CFAP54: variants seen among roughly 807,000 people sequenced by gnomAD.
CFAP54 encodes the protein cilia and flagella associated protein 54.
CFAP54 carries 290 observed loss-of-function variants against 370.4 expected under a neutral mutation model. The ratio of observed to expected loss-of-function variants is 0.78; its 90% CI spans 0.71 to 0.86. The LOEUF (loss-of-function observed/expected upper bound fraction) is 0.86, where lower values mean the gene tolerates loss of function less well. Ranked by LOEUF, CFAP54 falls within the 40% of genes least tolerant of loss-of-function variation. CFAP54 has a pLI of 0.00. For missense variants in CFAP54, 3,399 were observed against 3,528.7 expected (o/e 0.96, Z 0.93); for synonymous variants, 1,206 against 1,236.5 (o/e 0.98, Z 0.52).
chr12:96,569,043 A>T (rs1955887785), intron 19 of CFAP54, among the ~76,000 whole-genome samples: 1 of 150,096 alleles, frequency 6.7e-6, no homozygotes, highest in South Asian at 2.1e-4. Context: ...TCCATACTGG[A>T]TGTCCTTCAT....
chr12:96,618,913 A>G (rs1033539636), intron 26 of CFAP54, among the ~76,000 whole-genome samples: 1 of 152,044 alleles, frequency 6.6e-6, no homozygotes, highest in African/African-American at 2.4e-5. Flanking sequence ...TGTTTCTGAG[A>G]CAGAGATCAG....
At chr12:96,693,409 A>G (rs1005563076) in intron 44 of CFAP54, among the ~76,000 whole-genome samples, 2 of 152,170 alleles carry the variant, frequency 1.3e-5, no homozygotes, top group Non-Finnish European at 2.9e-5. Context: ...ATGTTGAGTT[A>G]ATCATTTTCA....
At chr12:96,806,271 A>G (rs1958881767) in intron 63 of CFAP54, among the ~76,000 whole-genome samples, 1 of 142,664 alleles carries the variant, frequency 7.0e-6, no homozygotes. Flanking sequence ...TATTGAGTGC[A>G]GTTGGACAGT....
chr12:96,702,398 A>T (rs1957501963), intron 46 of CFAP54, among the ~76,000 whole-genome samples: 1 of 152,116 alleles, frequency 6.6e-6, no homozygotes, highest in Non-Finnish European at 1.5e-5. Context: ...AACTAGATGA[A>T]TTCAGCTGGG....
At chr12:96,693,015 C>T (rs1042498451) in intron 44 of CFAP54, among the ~76,000 whole-genome samples, 3 of 152,138 alleles carry the variant, frequency 2.0e-5, no homozygotes, top group African/African-American at 7.2e-5. Flanking sequence ...GTGGTTGGGC[C>T]ATTTGAAATA....
At position 96,700,010 on chromosome 12, in the gene CFAP54, T is replaced by G; in HGVS notation, c.6391T>G (p.Phe2131Val). The change falls in exon 46 of 68, where the codon TTT (phenylalanine) becomes GTT (valine). Residue 2131 changes from phenylalanine to valine, a missense_variant. Coordinates refer to ENST00000524981, the MANE Select transcript of CFAP54 (RefSeq NM_001306084.2). Reference protein sequence around the residue: ...LIDLRFFSEAFYEISQIFYGK... With the variant: ...LIDLRFFSEAVYEISQIFYGK... ...AGATTTGAGATTCTTTTCTGAAGCC[T>G]TTTATGAGATATCCCAAATTTTCTA... 6.3e-7 allele frequency: 1 copy of G among 1,599,204 alleles called. No individual in the cohort carries two copies. Among genetic ancestry groups the G allele is most frequent in the Non-Finnish European group, 8.6e-7 (1 of 1,168,172 alleles).
intron 32 of CFAP54, among the ~76,000 whole-genome samples, chr12:96,639,145 T>C (rs1056243513): frequency 6.6e-6 from 1 of 152,122 alleles, no homozygotes; most frequent in African/African-American, 2.4e-5. Context: ...CAGGAGCTGG[T>C]TTTTTGAAAA....
At chr12:96,682,507 C>T (rs1488597531) in intron 40 of CFAP54, among the ~76,000 whole-genome samples, 1 of 152,072 alleles carries the variant, frequency 6.6e-6, no homozygotes, top group Non-Finnish European at 1.5e-5. Flanking sequence ...TCCCAAGCAG[C>T]TGGGACCACA....
chr12:96,609,457 A>G (rs947537024), intron 26 of CFAP54, among the ~76,000 whole-genome samples: 5 of 152,242 alleles, frequency 3.3e-5, no homozygotes, highest in African/African-American at 1.2e-4. Flanking sequence ...AAAGACATTT[A>G]CCAACATTTT....
chr12:96,613,220 C>A (rs1046182957), intron 26 of CFAP54, among the ~76,000 whole-genome samples: 3 of 152,188 alleles, frequency 2.0e-5, no homozygotes, highest in African/African-American at 7.2e-5. Flanking sequence ...AAAACTCACT[C>A]AAAACTGCTT....
chr12:96,685,840 C>T (rs949018904), intron 42 of CFAP54, among the ~76,000 whole-genome samples: 13 of 152,276 alleles, frequency 8.5e-5, no homozygotes, highest in East Asian at 1.9e-4. Context: ...GCATGAGCCA[C>T]GGCGTCTGGC....
intron 25 of CFAP54, 64 bp downstream of exon 25, chr12:96,594,510 A>T (rs1370560120): frequency 7.9e-7 from 1 of 1,260,872 alleles, no homozygotes; most frequent in Non-Finnish European, 1.1e-6. Flanking sequence ...AATTCATTTT[A>T]GAAAAGAAAA....
intron 48 of CFAP54, among the ~76,000 whole-genome samples, chr12:96,716,780 T>C (rs143047992): frequency 2.0e-5 from 3 of 152,348 alleles, no homozygotes; most frequent in Non-Finnish European, 4.4e-5. Context: ...TCTGGAATTC[T>C]TATGTAATTG....
At chr12:96,797,839 T>C (rs1007393439) in intron 63 of CFAP54, among the ~76,000 whole-genome samples, 1 of 152,048 alleles carries the variant, frequency 6.6e-6, no homozygotes, top group African/African-American at 2.4e-5. Flanking sequence ...GAATAATCCA[T>C]TAATGTAAAT....
In CFAP54 at chr12:96,489,660, C is replaced by T. The variant is rs1309728948; in HGVS notation, c.51C>T (p.Thr17=). 11 of 1,535,190 alleles carry T rather than the reference C, an allele frequency of 7.2e-6. No homozygotes were observed. The highest frequency in any genetic ancestry group is 3.6e-5 in the South Asian group (3 of 84,044). Residue 17 remains threonine, a synonymous_variant, in exon 1 of 68, where the codon ACC becomes ACT. Transcript: ENST00000524981. ...GCTCTCCGTCAGACGACTCTACCAC[C>T]TCGGGGTCTCTGCCAGAACTGCCGC... ...PSSSPSDDST[T]SGSLPELPPT...
chr12:96,809,403 A>G (rs1958910223), intron 63 of CFAP54, among the ~76,000 whole-genome samples: 1 of 152,058 alleles, frequency 6.6e-6, no homozygotes, highest in African/African-American at 2.4e-5. Flanking sequence ...AGATGGATTC[A>G]ACTTTATATT....
At chr12:96,683,441 C>T (rs1249270926) in intron 40 of CFAP54, among the ~76,000 whole-genome samples, 1 of 152,214 alleles carries the variant, frequency 6.6e-6, no homozygotes, top group Non-Finnish European at 1.5e-5. Context: ...GTTGCAATGT[C>T]TGGAAAATTC....
chr12:96,663,886 A>G lies in CFAP54; in HGVS notation c.5517A>G (p.Glu1839=). 6.2e-7 allele frequency: 1 copy of G among 1,613,434 alleles called. No homozygotes were observed. The highest frequency in any genetic ancestry group is 8.5e-7 in the Non-Finnish European group (1 of 1,179,666). The part of the protein sequence containing the change: ...KQLKINSSTI[E]ATSNCTDLLK... ...TTAAGATTAATTCTTCAACCATTGA[A>G]GCAACAAGCAACTGCACAGATTTGC... Residue 1839 remains glutamate (E), a synonymous_variant, in exon 39 of 68, where the codon GAA becomes GAG. Transcript: ENST00000524981.
chr12:96,864,409 A>T (rs1231521075), intron 67 of CFAP54, among the ~76,000 whole-genome samples: 12 of 152,178 alleles, frequency 7.9e-5, no homozygotes, highest in Admixed American at 7.9e-4. Context: ...ACCACTGGCC[A>T]GCTATTCAGA....
Sources: allele counts gnomAD v4.1 joint callset (sites outside exome capture counted in the v4.1 genomes callset), GRCh38; gene constraint gnomAD v4.1.1; transcripts MANE v1.5; gene names NCBI Gene and HGNC (gene_info 2026-07-23, HGNC 2026-07-21).